The following SLC52A3 variants were observed in gnomAD, a reference collection of about 807,000 sequenced individuals.
SLC52A3 encodes the protein solute carrier family 52, riboflavin transporter, member 3.
A neutral mutation model predicts 29.5 loss-of-function variants in SLC52A3; 20 were observed. The observed-to-expected ratio is 0.68, with a 90% CI of 0.48 to 0.99. SLC52A3 has a LOEUF of 0.99. Ranked by LOEUF, SLC52A3 falls within the 50% of genes least tolerant of loss-of-function variation. The pLI, the probability that SLC52A3 is intolerant of heterozygous loss-of-function variation, is 0.00. For missense variants in SLC52A3, 548 were observed against 612.9 expected (o/e 0.89, Z 1.12); for synonymous variants, 301 against 271.0 (o/e 1.11, Z -1.09).
intron 1 of SLC52A3, among the ~76,000 whole-genome samples, chr20:774,091 G>A (rs1248608927): frequency 1.3e-5 from 2 of 152,216 alleles, no homozygotes; most frequent in Non-Finnish European, 2.9e-5. Flanking sequence ...CTCCCCCAGT[G>A]CCCAGGTGAC....
upstream of SLC52A3, among the ~76,000 whole-genome samples, chr20:777,648 T>C (rs369123701): frequency 6.6e-6 from 1 of 152,184 alleles, no homozygotes; most frequent in African/African-American, 2.4e-5. Context: ...TTCCAAGACA[T>C]TCATTTACTT....
At chr20:772,558 C>T (rs923147122), upstream of SLC52A3, among the ~76,000 whole-genome samples, 10 of 150,448 alleles carry the variant, frequency 6.6e-5, no homozygotes, top group Admixed American at 6.7e-4. Flanking sequence ...TGTTGGGATA[C>T]TTTTAAAAGA....
upstream of SLC52A3, among the ~76,000 whole-genome samples, chr20:771,445 A>G (rs1986838769): frequency 1.3e-5 from 2 of 152,212 alleles, no homozygotes; most frequent in South Asian, 2.1e-4. Flanking sequence ...TAAAAGAAAC[A>G]AACAGACAAA....
At position 765,717 on chromosome 20, in the gene SLC52A3, T is replaced by C. The variant is rs148387972; in HGVS notation, c.58A>G (p.Ile20Val). ...GGCAGCTCTACCCAGAGCCCATTGA[T>C]GGTCACCCAGGAGCCCATTCCGAAG... ...CVFGMGSWVTINGLWVELPLL... is the reference protein window; with the variant it reads ...CVFGMGSWVTVNGLWVELPLL... Residue 20 changes from isoleucine to valine, a missense_variant, in exon 2 of 5, where the codon ATC (isoleucine) becomes GTC (valine). By Grantham distance (29) the Ile-to-Val change is conservative. Around this residue, in one of 2 missense-constraint regions of SLC52A3, gnomAD observed 375 missense variants for 471.1 expected, o/e 0.80. Transcript: ENST00000645534. The surrounding 1 kb of genome is among the most constrained non-coding windows in gnomAD (Gnocchi z 6.6). 3 of 1,613,516 alleles carry C rather than the reference T, an allele frequency of 1.9e-6. No individual in the cohort carries two copies. The African/African-American group carries it at 4.0e-5, about 22-fold the overall frequency.
rs1986578394 is a variant in SLC52A3, at chr20:763,845, C to T, written c.726G>A (p.Gln242=). The T allele has an allele frequency of 1.2e-6, 2 of 1,614,066 alleles. No individual in the cohort carries two copies. Among genetic ancestry groups the T allele is most frequent in the African/African-American group, 1.3e-5 (1 of 74,992 alleles). The part of the protein sequence containing the change: ...ACCLVAFFVL[Q]RQPRCWEASV... Reference sequence around the variant, plus strand: ...AAGCCTCCCAGCACCTGGGTTGACGCTGGAGGACAAAGAACGCCACGAGGC... The same window carrying T: ...AAGCCTCCCAGCACCTGGGTTGACGTTGGAGGACAAAGAACGCCACGAGGC... Residue 242 remains glutamine (Q), a synonymous_variant, in exon 3 of 5, where the codon CAG becomes CAA. Transcript: ENST00000645534.
At chr20:777,230 T>C (rs1478774948), upstream of SLC52A3, among the ~76,000 whole-genome samples, 2 of 150,010 alleles carry the variant, frequency 1.3e-5, no homozygotes, top group Non-Finnish European at 3.0e-5. Flanking sequence ...AGCAAGACTC[T>C]GTCTCAATAA....
Position 763,518 on chromosome 20 carries a change from G to A in SLC52A3, c.1053C>T (p.Val351=), listed in dbSNP as rs766126275. Residue 351 remains valine, a synonymous_variant, in exon 3 of 5, where the codon GTC becomes GTT. Coordinates refer to ENST00000645534, the MANE Select transcript of SLC52A3 (RefSeq NM_033409.4). ...CACACCTGTTAGGCAGGAACATGGAGACCAACGAGGCAAGAGGGTTGGCCA... is the reference window on the plus strand; with the variant it reads ...CACACCTGTTAGGCAGGAACATGGAAACCAACGAGGCAAGAGGGTTGGCCA... ...SIVANPLASL[V]SMFLPNRSLL... 2.8e-5 allele frequency: 45 copies of A among 1,613,950 alleles called. No individual in the cohort carries two copies. Among genetic ancestry groups the A allele is most frequent in the Non-Finnish European group, 3.5e-5 (41 of 1,179,988 alleles).
At position 763,043 on chromosome 20, in the gene SLC52A3, A is replaced by T. The variant is rs575967956; in HGVS notation, c.1073+455T>A. Among the ~76,000 whole-genome samples, 18 of 152,344 alleles carry T rather than the reference A, an allele frequency of 1.2e-4. No homozygotes were observed. The South Asian group carries it at 3.7e-3, about 32-fold the overall frequency. On this transcript the variant is annotated intron_variant, in intron 3 of 4. Transcript: ENST00000645534. ...GCTCTAAGGGAACCAGCAGGAGGTT[A>T]GAGGCAGGAAGGCAGGGCCGAAATC...
chr20:768,832 AG>A (rs1436637463), upstream of SLC52A3, among the ~76,000 whole-genome samples: 1 of 152,146 alleles, frequency 6.6e-6, no homozygotes, highest in East Asian at 1.9e-4. Context: ...CCAAGGAGGG[AG>A]GGGAAGCTCC....
rs746808726 is a variant in SLC52A3 at position 765,744 on chromosome 20, C to T, written c.31G>A (p.Val11Ile). The change falls in exon 2 of 5, where the codon GTC becomes ATC. Residue 11 changes from valine to isoleucine, a missense_variant. This residue lies in a region of SLC52A3 where 375 missense variants were observed against 471.1 expected (regional missense o/e 0.80). Coordinates refer to ENST00000645534, the MANE Select transcript of SLC52A3 (RefSeq NM_033409.4). The surrounding 1 kb of genome is among the most constrained non-coding windows in gnomAD (Gnocchi z 6.6). MAFLMHLLVC[V>I]FGMGSWVTIN... ...GTCACCCAGGAGCCCATTCCGAAGACGCAGACCAGCAGGTGCATCAGGAAG... is the reference window on the plus strand; with the variant it reads ...GTCACCCAGGAGCCCATTCCGAAGATGCAGACCAGCAGGTGCATCAGGAAG... 1.9e-6 allele frequency: 3 copies of T among 1,611,190 alleles called. No individual in the cohort carries two copies. Among genetic ancestry groups the T allele is most frequent in the South Asian group, 1.1e-5 (1 of 90,878 alleles).
In SLC52A3 at chr20:761,238, C is replaced by T; in HGVS notation, c.1198G>A (p.Val400Met). Residue 400 changes from valine to methionine, a missense_variant and splice_region_variant, in exon 5 of 5, where the codon GTG (valine) becomes ATG (methionine). By Grantham distance (21) the Val-to-Met change is conservative (BLOSUM62 1). Around this residue, in one of 2 missense-constraint regions of SLC52A3, gnomAD observed 173 missense variants for 141.8 expected, o/e 1.22. Coordinates refer to ENST00000645534, the MANE Select transcript of SLC52A3 (RefSeq NM_033409.4). ...QGHWGGEVLI[V>M]ASWVLFSGCL... ...CCGCTGAAAAGCACCCACGAGGCCA[C>T]CTGCGGGGCCGGGAGGGAAGAGGTG... is the stretch of plus-strand genomic sequence containing the variant. The T allele has an allele frequency of 6.5e-7, 1 of 1,546,940 alleles. No individual in the cohort carries two copies. The highest frequency in any genetic ancestry group is 8.7e-7 in the Non-Finnish European group (1 of 1,145,486).
chr20:772,666 G>A (rs6117562), upstream of SLC52A3, among the ~76,000 whole-genome samples: 42,050 of 151,228 alleles, frequency 0.28, 6,139 homozygotes, highest in East Asian at 0.5. Flanking sequence ...ATTTTAACCA[G>A]TATTTCTTGG....
At chr20:761,517 C>G (rs1599956067) in intron 4 of SLC52A3, 184 bp downstream of exon 4, 2 of 877,844 alleles carry the variant, frequency 2.3e-6, no homozygotes, top group Non-Finnish European at 3.5e-6. Context: ...AAGAGGCCTA[C>G]CAGTCACCTC....
chr20:779,389 A>G (rs776483476), upstream of SLC52A3, among the ~76,000 whole-genome samples: 11 of 152,372 alleles, frequency 7.2e-5, no homozygotes, highest in East Asian at 3.9e-4. Flanking sequence ...TGGGAGGCCA[A>G]CGCGGGTGGA....
rs1986462690 is a variant in SLC52A3, at chr20:761,226, C to A, written c.1210G>T (p.Val404Leu). The A allele has an allele frequency of 9.0e-6, 14 of 1,551,148 alleles. No homozygotes were observed. Among genetic ancestry groups the A allele is most frequent in the Non-Finnish European group, 1.2e-5 (14 of 1,147,856 alleles). The part of the protein sequence containing the change: ...GGEVLIVASW[V>L]LFSGCLSYVK... ...TAACTGAGGCAGCCGCTGAAAAGCA[C>A]CCACGAGGCCACCTGCGGGGCCGGG... Residue 404 changes from valine (V) to leucine (L), a missense_variant, in exon 5 of 5, where the codon GTG becomes TTG. Val to Leu is a conservative substitution (Grantham distance 32). Around this residue, in one of 2 missense-constraint regions of SLC52A3, gnomAD observed 173 missense variants for 141.8 expected, o/e 1.22. Transcript: ENST00000645534.
At position 761,771 on chromosome 20, in the gene SLC52A3, T is replaced by C. The variant is rs749962422; in HGVS notation, c.1127A>G (p.Tyr376Cys). 6.2e-7 allele frequency: 1 copy of C among 1,614,130 alleles called. No homozygotes were observed. Among genetic ancestry groups the C allele is most frequent in the Non-Finnish European group, 8.5e-7 (1 of 1,179,988 alleles). Reference sequence around the variant, plus strand: ...GCTCATCACCGCCATGGCCATGTTGTAGCCCCCAAAGCAGGTCCCAAGCAC... The same window carrying C: ...GCTCATCACCGCCATGGCCATGTTGCAGCCCCCAAAGCAGGTCCCAAGCAC... ...LSVLGTCFGG[Y>C]NMAMAVMSPC... The change falls in exon 4 of 5, where the codon TAC (tyrosine) becomes TGC (cysteine). Residue 376 changes from tyrosine (Y) to cysteine (C), a missense_variant. Tyr to Cys is a radical substitution (Grantham distance 194). Coordinates refer to ENST00000645534, the MANE Select transcript of SLC52A3 (RefSeq NM_033409.4).
chr20:779,597 C>T (rs140561593), upstream of SLC52A3, among the ~76,000 whole-genome samples: 62 of 152,298 alleles, frequency 4.1e-4, 3 homozygotes, highest in East Asian at 5.6e-3. Context: ...CCAGGCTGGG[C>T]GACAAGAGTG....
At position 765,190 on chromosome 20, in the gene SLC52A3, C is replaced by G; in HGVS notation, c.567+18G>C. ...GATAAAGCCAAGTGCTGAGATGGCT[C>G]CGGGTGATGCTGGGTACCTGTGCGA... On this transcript the variant is annotated intron_variant, in intron 2 of 4. Transcript: ENST00000645534. The surrounding 1 kb of genome is among the most constrained non-coding windows in gnomAD (Gnocchi z 6.6). 6.2e-7 allele frequency: 1 copy of G among 1,614,108 alleles called. No homozygotes were observed. The highest frequency in any genetic ancestry group is 1.1e-5 in the South Asian group (1 of 91,074).
chr20:779,518 G>A (rs1404524418), upstream of SLC52A3, among the ~76,000 whole-genome samples: 1 of 152,194 alleles, frequency 6.6e-6, no homozygotes, highest in East Asian at 1.9e-4. Context: ...AGCTACTCGG[G>A]AGGCTGAGGC....
Sources: allele counts gnomAD v4.1 joint callset (sites outside exome capture counted in the v4.1 genomes callset), GRCh38; gene constraint gnomAD v4.1.1; regional missense constraint gnomAD v4.1.1; non-coding constraint Gnocchi (gnomAD v3.1); transcripts MANE v1.5; gene names NCBI Gene and HGNC (gene_info 2026-07-23, HGNC 2026-07-21).